The following PTER variants were observed in gnomAD, a reference collection of about 807,000 sequenced individuals.
The protein encoded by PTER is N-acetyltaurine hydrolase.
A neutral mutation model predicts 29.6 loss-of-function variants in PTER; 38 were observed. The observed-to-expected ratio is 1.28, with a 90% CI of 0.99 to 1.68. The LOEUF (loss-of-function observed/expected upper bound fraction) is 1.68. Among genes scored for constraint, PTER ranks in the 40% most tolerant of loss-of-function variants. The pLI is 0.00. For missense variants in PTER, 482 were observed against 427.8 expected (o/e 1.13, Z -1.12); for synonymous variants, 172 against 154.5 (o/e 1.11, Z -0.84).
In PTER at chr10:16,511,051, G is replaced by A. The variant is rs145578951; in HGVS notation, c.845G>A (p.Arg282His). The A allele has an allele frequency of 1.0e-3, 1,615 of 1,612,304 alleles. 3 individuals are homozygous for A. In the Middle Eastern group the frequency reaches 0.012, roughly 12 times the overall value. The change falls in exon 5 of 5, where the codon CGT becomes CAT. Residue 282 changes from arginine (R) to histidine (H), a missense_variant. Transcript: ENST00000535784. ...PDDNKRIRRV[R>H]LLVEEGCEDR... ...TGAGTTAACATTTTTCACAGGGTGC[G>A]TCTCCTGGTGGAAGAGGGCTGTGAA... is the stretch of plus-strand genomic sequence containing the variant.
Position 16,446,364 on chromosome 10 carries a change from G to A in PTER, c.-49+9317G>A, listed in dbSNP as rs145545891. On this transcript the variant is annotated intron_variant, in intron 1 of 4. Transcript: ENST00000535784. ...TTCTTGAGTAGCTGAGATTAAAGGC[G>A]TGCACCACAATGCCTGGCTAATTTT... 1.8e-4 allele frequency among the ~76,000 whole-genome samples: 28 copies of A among 152,104 alleles called. No homozygotes were observed. The East Asian group carries it at 3.9e-3, about 21-fold the overall frequency.
In PTER at chr10:16,511,211, T is replaced by C; in HGVS notation, c.1005T>C (p.Asp335=). 6.2e-7 allele frequency: 1 copy of C among 1,614,140 alleles called. No individual in the cohort carries two copies. Among genetic ancestry groups the C allele is most frequent in the East Asian group, 2.2e-5 (1 of 44,880 alleles). ...GAGGCATAACTGAGAATGTGCTTGA[T>C]AAGATTCTAATAGAGAACCCTAAGC... ...LLRGITENVL[D]KILIENPKQW... Residue 335 remains aspartate, a synonymous_variant, in exon 5 of 5, where the codon GAT becomes GAC. Coordinates refer to ENST00000535784, the MANE Select transcript of PTER (RefSeq NM_001261836.2).
chr10:16,487,532 CT>C (rs1226669094), intron 3 of PTER, among the ~76,000 whole-genome samples: 3 of 152,252 alleles, frequency 2.0e-5, no homozygotes, highest in African/African-American at 4.8e-5. Context: ...ATCTGCAGAC[CT>C]TTTCCCCAAA....
At chr10:16,457,563 ACT>A (rs1223537315) in intron 1 of PTER, among the ~76,000 whole-genome samples, 2 of 150,100 alleles carry the variant, frequency 1.3e-5, no homozygotes, top group Admixed American at 1.3e-4. Context: ...GTGTTTAGTT[ACT>A]CTCACCGCTA....
At chr10:16,483,011 G>A (rs1474300624) in intron 1 of PTER, among the ~76,000 whole-genome samples, 1 of 152,020 alleles carries the variant, frequency 6.6e-6, no homozygotes, top group African/African-American at 2.4e-5. Context: ...CAAACTCCTG[G>A]CCTTATGTGA....
intron 1 of PTER, among the ~76,000 whole-genome samples, chr10:16,477,547 A>T (rs576662121): frequency 6.6e-6 from 1 of 152,178 alleles, no homozygotes; most frequent in Non-Finnish European, 1.5e-5. Flanking sequence ...ATAGGTGGTC[A>T]GTAATATCCA....
At chr10:16,455,985 T>C (rs1011526393) in intron 1 of PTER, among the ~76,000 whole-genome samples, 1 of 152,130 alleles carries the variant, frequency 6.6e-6, no homozygotes, top group Non-Finnish European at 1.5e-5. Flanking sequence ...AATTCTGAGT[T>C]CTCCCAGGCC....
downstream of PTER, chr10:16,514,703 C>T (rs1305027679): frequency 8.1e-6 from 13 of 1,609,122 alleles, no homozygotes; most frequent in South Asian, 1.1e-5. Context: ...TGCACTAGCA[C>T]GCACCTATGT....
At chr10:16,448,276 G>A (rs879431219) in intron 1 of PTER, among the ~76,000 whole-genome samples, 14 of 152,226 alleles carry the variant, frequency 9.2e-5, no homozygotes, top group African/African-American at 3.4e-4. Flanking sequence ...GATCTGCTGG[G>A]TCATATGGTC....
chr10:16,501,642 G>A (rs1836355305), intron 3 of PTER, among the ~76,000 whole-genome samples: 2 of 152,088 alleles, frequency 1.3e-5, no homozygotes, highest in South Asian at 2.1e-4. Flanking sequence ...AGGGTACCAC[G>A]GGGAGGAAAT....
intron 3 of PTER, among the ~76,000 whole-genome samples, chr10:16,496,773 A>C (rs576615934): frequency 6.6e-6 from 1 of 152,108 alleles, no homozygotes; most frequent in Admixed American, 6.5e-5. Context: ...GCTGATTGCA[A>C]GTAGGTGATC....
chr10:16,498,758 A>G (rs925139584), intron 3 of PTER, among the ~76,000 whole-genome samples: 7 of 152,112 alleles, frequency 4.6e-5, no homozygotes, highest in Non-Finnish European at 1.0e-4. Flanking sequence ...CACAGAGTTC[A>G]TTTTCCCATG....
intron 3 of PTER, among the ~76,000 whole-genome samples, chr10:16,499,485 A>G (rs1023465052): frequency 3.3e-5 from 5 of 151,976 alleles, no homozygotes; most frequent in African/African-American, 1.2e-4. Flanking sequence ...TCTGTCACCT[A>G]GGCTGGAGTG....
intron 3 of PTER, among the ~76,000 whole-genome samples, chr10:16,493,935 G>A (rs1287122944): frequency 2.6e-5 from 4 of 152,246 alleles, no homozygotes; most frequent in South Asian, 2.1e-4. Flanking sequence ...AAAGGGAAAC[G>A]CTGGCCATGT....
chr10:16,515,666 A>C (rs1376503729), downstream of PTER, among the ~76,000 whole-genome samples: 3 of 152,186 alleles, frequency 2.0e-5, no homozygotes, highest in African/African-American at 7.2e-5. Context: ...CATTGTGGAC[A>C]TTCTGTCAGA....
chr10:16,461,074 G>A (rs1834596587), intron 1 of PTER, among the ~76,000 whole-genome samples: 1 of 152,168 alleles, frequency 6.6e-6, no homozygotes, highest in South Asian at 2.1e-4. Context: ...TAAAACTACA[G>A]TGAAAGGAGA....
chr10:16,469,089 G>A (rs1834952097), intron 1 of PTER, among the ~76,000 whole-genome samples: 1 of 152,174 alleles, frequency 6.6e-6, no homozygotes, highest in South Asian at 2.1e-4. Context: ...GAGCAACAAG[G>A]AGGAACCACA....
rs1243006274 is a variant in PTER, at chr10:16,484,809, T to C, written c.425T>C (p.Val142Ala). ...THSSETRAMS[V>A]EQLTDVLMNE... ...TCCTCAGAGACCAGGGCCATGTCAG[T>C]GGAGCAGGTAAAAAGCCTAAGTTCT... is the stretch of plus-strand genomic sequence containing the variant. Residue 142 changes from valine to alanine, a missense_variant, in exon 2 of 5, where the codon GTG (valine) becomes GCG (alanine). Transcript: ENST00000535784. The C allele has an allele frequency of 3.8e-6, 6 of 1,593,548 alleles. No homozygotes were observed. Among genetic ancestry groups the C allele is most frequent in the African/African-American group, 2.7e-5 (2 of 73,524 alleles).
chr10:16,462,110 C>T (rs909220241), intron 1 of PTER, among the ~76,000 whole-genome samples: 25 of 151,830 alleles, frequency 1.6e-4, no homozygotes, highest in African/African-American at 6.0e-4. Context: ...CTCAGCCCCC[C>T]AAGTACCTGG....
Sources: gnomAD v4.1 joint callset for allele counts (sites outside exome capture counted in the v4.1 genomes callset) on GRCh38, gnomAD v4.1.1 for gene constraint, MANE v1.5 for transcripts, NCBI Gene and HGNC (gene_info 2026-07-23, HGNC 2026-07-21) for gene names.